Variants in STPG2 observed in about 807,000 individuals in gnomAD.
STPG2 encodes the protein sperm tail PG-rich repeat containing 2, also known as sperm-tail PG-rich repeat-containing protein 2.
STPG2 carries 56 observed loss-of-function variants against 54.2 expected under a neutral mutation model. The observed-to-expected ratio is 1.03, with a 90% CI of 0.83 to 1.29. The LOEUF (loss-of-function observed/expected upper bound fraction) is 1.29. Among genes scored for constraint, STPG2 ranks in the 50% most tolerant of loss-of-function variants. The pLI, the probability that STPG2 is intolerant of heterozygous loss-of-function variation, is 0.00. For synonymous variants in STPG2, 200 were observed against 181.8 expected (o/e 1.10, Z -0.81); for missense variants, 596 against 544.9 (o/e 1.09, Z -0.93).
intron 8 of STPG2, among the ~76,000 whole-genome samples, chr4:97,866,343 CA>C (rs1729778511): frequency 1.3e-5 from 2 of 151,922 alleles, no homozygotes; most frequent in Admixed American, 1.3e-4. Context: ...ATGCCTGTAT[CA>C]AAGTATCTCA....
At chr4:97,709,245 A>G (rs1724040589) in intron 10 of STPG2, among the ~76,000 whole-genome samples, 1 of 151,754 alleles carries the variant, frequency 6.6e-6, no homozygotes, top group Non-Finnish European at 1.5e-5. Flanking sequence ...GACTTTAACA[A>G]AAAGGTGTTA....
intron 10 of STPG2, among the ~76,000 whole-genome samples, chr4:97,644,179 G>A (rs575708561): frequency 2.6e-5 from 4 of 151,814 alleles, no homozygotes; most frequent in Non-Finnish European, 5.9e-5. Context: ...CTTTTAAAAT[G>A]GGCATGCTTA....
chr4:98,019,097 C>G (rs1326474011), intron 5 of STPG2, among the ~76,000 whole-genome samples: 1 of 152,098 alleles, frequency 6.6e-6, no homozygotes, highest in Non-Finnish European at 1.5e-5. Flanking sequence ...CTTGCCCATG[C>G]CGATGTCCTG....
At chr4:97,891,423 C>T (rs1399966133) in intron 8 of STPG2, among the ~76,000 whole-genome samples, 1 of 151,974 alleles carries the variant, frequency 6.6e-6, no homozygotes, top group African/African-American at 2.4e-5. Flanking sequence ...TAATATCTCT[C>T]ACTTTTCATA....
chr4:97,717,013 T>C (rs552852398), intron 9 of STPG2, among the ~76,000 whole-genome samples: 1 of 152,220 alleles, frequency 6.6e-6, no homozygotes, highest in East Asian at 1.9e-4. Flanking sequence ...GCTTTACAAA[T>C]GAAGTAATAG....
intron 5 of STPG2, among the ~76,000 whole-genome samples, chr4:98,066,482 G>A (rs751712687): frequency 1.2e-4 from 18 of 152,080 alleles, no homozygotes; most frequent in Non-Finnish European, 2.2e-4. Flanking sequence ...CAAGCTACTC[G>A]GGAGGCTAAG....
intron 6 of STPG2, among the ~76,000 whole-genome samples, chr4:97,975,602 A>G (rs1397894223): frequency 1.3e-5 from 2 of 152,192 alleles, no homozygotes; most frequent in Non-Finnish European, 2.9e-5. Context: ...GTTGTTTAAA[A>G]AATCAATTCT....
In STPG2 at chr4:97,760,781, T is replaced by A. The variant is rs1360721964; in HGVS notation, c.1205-47967A>T. Among the ~76,000 whole-genome samples the A allele has an allele frequency of 3.3e-5, 5 of 152,236 alleles. No homozygotes were observed. The East Asian group carries it at 9.7e-4, about 29-fold the overall frequency. ...ATATAGTGGCTTAAAACAAGACAAA[T>A]TTGTTATCTTACAGCTTTGGAGGTC... On this transcript the variant is annotated intron_variant, in intron 9 of 10. Coordinates refer to ENST00000295268, the MANE Select transcript of STPG2 (RefSeq NM_174952.3).
At chr4:98,130,758 T>C (rs1377573037) in intron 2 of STPG2, among the ~76,000 whole-genome samples, 1 of 151,250 alleles carries the variant, frequency 6.6e-6, no homozygotes, top group African/African-American at 2.4e-5. Flanking sequence ...CCGTCTCTAC[T>C]AAAAATACAA....
At chr4:97,949,989 T>C (rs1733405734) in intron 7 of STPG2, among the ~76,000 whole-genome samples, 1 of 152,112 alleles carries the variant, frequency 6.6e-6, no homozygotes, top group Non-Finnish European at 1.5e-5. Context: ...CTCAATTTCC[T>C]CAAAAAATTA....
At chr4:98,017,663 G>C (rs1016051511) in intron 5 of STPG2, among the ~76,000 whole-genome samples, 2 of 152,132 alleles carry the variant, frequency 1.3e-5, no homozygotes, top group Admixed American at 1.3e-4. Context: ...ACAGATGGTT[G>C]TTTCAACTGA....
At chr4:97,750,357 G>A (rs1449455792) in intron 9 of STPG2, among the ~76,000 whole-genome samples, 1 of 151,772 alleles carries the variant, frequency 6.6e-6, no homozygotes. Flanking sequence ...TTGCTTTCTA[G>A]AAAACTCATC....
chr4:97,692,287 A>G (rs1468792142), intron 10 of STPG2, among the ~76,000 whole-genome samples: 1 of 143,728 alleles, frequency 7.0e-6, no homozygotes, highest in African/African-American at 2.6e-5. Flanking sequence ...CAAAAAGATG[A>G]TACAGGATAT....
intron 5 of STPG2, among the ~76,000 whole-genome samples, chr4:98,065,800 C>T (rs1737816327): frequency 6.6e-6 from 1 of 152,032 alleles, no homozygotes; most frequent in Non-Finnish European, 1.5e-5. Context: ...AGGGCCTGAG[C>T]TAAATTTATC....
chr4:97,630,983 A>T (rs1242704518), intron 10 of STPG2, among the ~76,000 whole-genome samples: 1 of 151,980 alleles, frequency 6.6e-6, no homozygotes, highest in African/African-American at 2.4e-5. Context: ...TGATCAGATA[A>T]GAAGCAAAGA....
At chr4:98,032,292 C>G (rs1736622354) in intron 5 of STPG2, among the ~76,000 whole-genome samples, 1 of 152,136 alleles carries the variant, frequency 6.6e-6, no homozygotes, top group Non-Finnish European at 1.5e-5. Flanking sequence ...CAATTCACAA[C>G]TGCAAAACCA....
In STPG2 at chr4:97,564,377, C is replaced by A. The variant is rs1301669835; in HGVS notation, c.1321-5260G>T. On this transcript the variant is annotated intron_variant, in intron 10 of 10. Coordinates refer to ENST00000295268, the MANE Select transcript of STPG2 (RefSeq NM_174952.3). Reference sequence around the variant, plus strand: ...AATACAGCACACTGATGGGTCTTGACTCTTTATCCAATTTGCCAGTCTGTG... The same window carrying A: ...AATACAGCACACTGATGGGTCTTGAATCTTTATCCAATTTGCCAGTCTGTG... Among the ~76,000 whole-genome samples, 3 of 152,164 alleles carry A rather than the reference C, an allele frequency of 2.0e-5. No homozygotes were observed. In the East Asian group the frequency reaches 5.8e-4, roughly 29 times the overall value.
intron 8 of STPG2, among the ~76,000 whole-genome samples, chr4:97,928,576 T>C (rs1732422631): frequency 1.3e-5 from 2 of 152,178 alleles, no homozygotes; most frequent in Admixed American, 1.3e-4. Context: ...CCTGGGTCCA[T>C]TCTAAGAAAT....
chr4:97,448,524 T>C (rs1194998044), intron 4 of STPG2, among the ~76,000 whole-genome samples: 1 of 152,176 alleles, frequency 6.6e-6, no homozygotes, highest in African/African-American at 2.4e-5. Flanking sequence ...TGACATCTGA[T>C]GATTTTATAA....
Sources: gnomAD v4.1 joint callset for allele counts (sites outside exome capture counted in the v4.1 genomes callset) on GRCh38, gnomAD v4.1.1 for gene constraint, MANE v1.5 for transcripts, NCBI Gene and HGNC (gene_info 2026-07-23, HGNC 2026-07-21) for gene names.